The following IL1RAPL1 variants were observed in gnomAD, a reference collection of about 807,000 sequenced individuals.
IL1RAPL1 encodes interleukin 1 receptor accessory protein like 1, also known as interleukin-1 receptor accessory protein-like 1.
Under a neutral mutation model 48.4 loss-of-function variants are expected in IL1RAPL1, and 3 were observed. That is an observed-to-expected ratio of 0.06 (90% CI 0.03 to 0.16). The LOEUF (loss-of-function observed/expected upper bound fraction) is 0.16, where lower values mean the gene tolerates loss of function less well. IL1RAPL1 is among the 10% of genes least tolerant of loss of function. IL1RAPL1 has a pLI of 1.00. For synonymous variants in IL1RAPL1, 185 were observed against 187.7 expected, an observed-to-expected ratio of 0.99 and a Z score of 0.12; for missense variants, 349 against 530.6, an observed-to-expected ratio of 0.66 and a Z score of 3.36.
At chrX:29,734,627 G>A (rs758053551) in intron 6 of IL1RAPL1, among the ~76,000 whole-genome samples, 3 of 112,228 alleles carry the variant, frequency 2.7e-5, no homozygotes, top group East Asian at 5.6e-4. Context: ...GCAGAATTTC[G>A]TTGATAAGCT....
intron 1 of IL1RAPL1, among the ~76,000 whole-genome samples, chrX:28,751,068 A>G (rs1049686037): frequency 3.6e-5 from 4 of 111,280 alleles, no homozygotes; most frequent in Non-Finnish European, 7.5e-5. Flanking sequence ...CTATTTCCAC[A>G]GGCCTATGAA....
At position 29,809,307 on chromosome X, in the gene IL1RAPL1, C is replaced by T. The variant is rs187721861; in HGVS notation, c.779-108157C>T. 8.4e-5 allele frequency among the ~76,000 whole-genome samples: 9 copies of T among 106,963 alleles called. No homozygotes were observed. The East Asian group carries it at 2.6e-3, about 31-fold the overall frequency. 92.9% of individuals were successfully genotyped at this position (106,963 alleles called of 115,157 possible). On this transcript the variant is annotated intron_variant, in intron 6 of 10. Coordinates refer to ENST00000378993, the MANE Select transcript of IL1RAPL1 (RefSeq NM_014271.4). ...TTTTTTAGTGGAGACGGGGTTTCAC[C>T]ATGTTAGCCAGGATGGTCTCGATCT...
intron 5 of IL1RAPL1, among the ~76,000 whole-genome samples, chrX:29,429,539 C>T (rs1029884796): frequency 1.2e-4 from 13 of 111,608 alleles, no homozygotes; most frequent in African/African-American, 3.6e-4. Flanking sequence ...TCCTTAATCA[C>T]GGATTCTTTT....
In IL1RAPL1 at chrX:29,954,577, G is replaced by T; in HGVS notation, c.1257G>T (p.Trp419Cys). 8.3e-7 allele frequency: 1 copy of T among 1,205,087 alleles called. No homozygotes were observed. ...LSYTKVDPDQ[W>C]NQETGEEERF... ...ACACCAAAGTGGATCCTGACCAGTG[G>T]AATCAAGAGACTGGGGAAGAAGAAC... is the stretch of plus-strand genomic sequence containing the variant. Residue 419 changes from tryptophan to cysteine, a missense_variant, in exon 10 of 11, where the codon TGG becomes TGT. Trp to Cys is a radical substitution (Grantham distance 215). Transcript: ENST00000378993.
chrX:28,926,512 A>G (rs1464767768), intron 2 of IL1RAPL1, among the ~76,000 whole-genome samples: 1 of 111,544 alleles, frequency 9.0e-6, no homozygotes, highest in East Asian at 2.8e-4. Context: ...AAAAAAAAAC[A>G]TATATAGTTT....
At chrX:28,846,002 T>A (rs73452851) in intron 2 of IL1RAPL1, among the ~76,000 whole-genome samples, 13,502 of 111,463 alleles carry the variant, frequency 0.12, 1,415 homozygotes, top group African/African-American at 0.33. Context: ...CATTCTATGC[T>A]TTGGGACAAA....
intron 2 of IL1RAPL1, among the ~76,000 whole-genome samples, chrX:29,205,838 G>A (rs1347047719): frequency 3.7e-5 from 4 of 109,460 alleles, no homozygotes; most frequent in Non-Finnish European, 7.6e-5. Flanking sequence ...GGGTTCAAGC[G>A]ATTCTCCTGC....
intron 5 of IL1RAPL1, among the ~76,000 whole-genome samples, chrX:29,503,832 G>A (rs554893973): frequency 1.4e-4 from 15 of 109,714 alleles, no homozygotes; most frequent in East Asian, 2.9e-4. Context: ...AAAAATTTTT[G>A]TAGAGACTTA....
chrX:28,828,721 T>C (rs1280461755), intron 2 of IL1RAPL1, among the ~76,000 whole-genome samples: 1 of 112,350 alleles, frequency 8.9e-6, no homozygotes, highest in Non-Finnish European at 1.9e-5. Context: ...TGTTCTTTTG[T>C]TCATACCACA....
At chrX:28,731,128 T>A (rs1440178917) in intron 1 of IL1RAPL1, among the ~76,000 whole-genome samples, 10 of 112,216 alleles carry the variant, frequency 8.9e-5, no homozygotes, top group Non-Finnish European at 1.3e-4. Context: ...CTAAAGCTTG[T>A]AAGTTTATAC....
chrX:29,191,671 A>G (rs763764958), intron 2 of IL1RAPL1, among the ~76,000 whole-genome samples: 8 of 111,794 alleles, frequency 7.2e-5, no homozygotes, highest in African/African-American at 2.6e-4. Context: ...GGGGCAGCAG[A>G]GTGTTAACTT....
chrX:29,189,665 C>T (rs1055414467), intron 2 of IL1RAPL1, among the ~76,000 whole-genome samples: 6 of 110,723 alleles, frequency 5.4e-5, no homozygotes, highest in African/African-American at 9.8e-5. Flanking sequence ...ATTTTCCTAC[C>T]CAACTTTTTC....
chrX:28,946,155 A>C, intron 2 of IL1RAPL1, among the ~76,000 whole-genome samples: 1 of 110,121 alleles, frequency 9.1e-6, no homozygotes, highest in Admixed American at 9.9e-5. Context: ...ATGAGGGTTA[A>C]AATAAAATCA....
At chrX:28,614,580 A>G (rs766405668) in intron 1 of IL1RAPL1, among the ~76,000 whole-genome samples, 34 of 111,504 alleles carry the variant, frequency 3.0e-4, no homozygotes, top group African/African-American at 1.0e-3. Flanking sequence ...GTTCTACAAT[A>G]ATATTGAGAA....
chrX:28,910,225 A>C (rs750117931), intron 2 of IL1RAPL1, among the ~76,000 whole-genome samples: 1 of 111,191 alleles, frequency 9.0e-6, no homozygotes, highest in African/African-American at 3.3e-5. Flanking sequence ...CCAAACTTCA[A>C]GGGATTTTCT....
chrX:29,577,792 TAA>T (rs776209856), intron 5 of IL1RAPL1, among the ~76,000 whole-genome samples: 117 of 112,192 alleles, frequency 1.0e-3, no homozygotes, highest in Non-Finnish European at 1.3e-3. Context: ...GGTTCTGCTA[TAA>T]CCTGATATGA....
At chrX:29,489,884 G>A (rs767136062) in intron 5 of IL1RAPL1, among the ~76,000 whole-genome samples, 35 of 111,876 alleles carry the variant, frequency 3.1e-4, no homozygotes, top group Admixed American at 1.6e-3. Context: ...TGTACAGCTA[G>A]CAGAATGGCA....
chrX:29,346,959 C>T lies in IL1RAPL1; in HGVS notation c.363-49299C>T, dbSNP rs918879657. Among the ~76,000 whole-genome samples the T allele has an allele frequency of 3.6e-5, 4 of 111,944 alleles. No individual in the cohort carries two copies. The Admixed American group carries it at 3.8e-4, about 11-fold the overall frequency. On this transcript the variant is annotated intron_variant, in intron 3 of 10. Coordinates refer to ENST00000378993, the MANE Select transcript of IL1RAPL1 (RefSeq NM_014271.4). ...AGCTCATTCCATATTTATTGAACAACTACACTGTACCAGATTTTACAGAGC... is the reference window on the plus strand; with the variant it reads ...AGCTCATTCCATATTTATTGAACAATTACACTGTACCAGATTTTACAGAGC...
chrX:29,395,618 G>A (rs1485547023), intron 3 of IL1RAPL1, among the ~76,000 whole-genome samples: 1 of 111,922 alleles, frequency 8.9e-6, no homozygotes, highest in Non-Finnish European at 1.9e-5. Context: ...TAACACAGTA[G>A]AATGCTTAGC....
Sources: gnomAD v4.1 joint callset for allele counts (sites outside exome capture counted in the v4.1 genomes callset) on GRCh38, gnomAD v4.1.1 for gene constraint, MANE v1.5 for transcripts, NCBI Gene and HGNC (gene_info 2026-07-23, HGNC 2026-07-21) for gene names.